The following RABGAP1L variants were observed in gnomAD, a reference collection of about 807,000 sequenced individuals.
RABGAP1L encodes the protein RAB GTPase activating protein 1 like, also known as rab GTPase-activating protein 1-like.
In RABGAP1L, 63 loss-of-function variants were observed where a neutral mutation model predicts 137.7. That is an observed-to-expected ratio of 0.46 (90% CI 0.37 to 0.56). RABGAP1L has a LOEUF of 0.56. RABGAP1L is among the 20% of genes least tolerant of loss of function. The pLI is 0.00. For missense variants in RABGAP1L, 1,095 were observed against 1,244.0 expected, an observed-to-expected ratio of 0.88 and a Z score of 1.80; for synonymous variants, 431 against 433.7, an observed-to-expected ratio of 0.99 and a Z score of 0.08.
At chr1:174,793,623 C>A (rs1688021714) in intron 18 of RABGAP1L, among the ~76,000 whole-genome samples, 1 of 152,122 alleles carries the variant, frequency 6.6e-6, no homozygotes, top group African/African-American at 2.4e-5. Context: ...CTTGAATAAT[C>A]CTTAAAGTTA....
intron 18 of RABGAP1L, among the ~76,000 whole-genome samples, chr1:174,758,954 C>T (rs1684992332): frequency 6.6e-6 from 1 of 152,144 alleles, no homozygotes; most frequent in Non-Finnish European, 1.5e-5. Context: ...GTCACCAAGT[C>T]CTGTGGATTC....
At chr1:174,708,116 A>G (rs1680184892) in intron 17 of RABGAP1L, among the ~76,000 whole-genome samples, 1 of 152,210 alleles carries the variant, frequency 6.6e-6, no homozygotes, top group Admixed American at 6.5e-5. Flanking sequence ...ATTAGAATGT[A>G]TCTTCTGCTT....
intron 17 of RABGAP1L, among the ~76,000 whole-genome samples, chr1:174,740,659 G>C (rs1683315236): frequency 6.6e-6 from 1 of 152,056 alleles, no homozygotes; most frequent in African/African-American, 2.4e-5. Flanking sequence ...TCTCCATACT[G>C]TTTTCCATAG....
intron 18 of RABGAP1L, among the ~76,000 whole-genome samples, chr1:174,780,812 C>G (rs1478691552): frequency 7.0e-6 from 1 of 143,668 alleles, no homozygotes; most frequent in Admixed American, 7.5e-5. Flanking sequence ...TGAGTGAGAA[C>G]ATGCGGTGTT....
chr1:174,772,591 A>G (rs1478085577), intron 18 of RABGAP1L, among the ~76,000 whole-genome samples: 2 of 135,974 alleles, frequency 1.5e-5, no homozygotes, highest in African/African-American at 5.1e-5. Flanking sequence ...AAAAAAAAAA[A>G]AGTACAGTTT....
intron 17 of RABGAP1L, among the ~76,000 whole-genome samples, chr1:174,751,923 C>T (rs773035979): frequency 3.3e-5 from 5 of 151,732 alleles, no homozygotes; most frequent in Admixed American, 6.6e-5. Context: ...CTGTCTGCCA[C>T]TTGCAGTTTA....
chr1:174,563,622 A>G (rs1466699818), intron 13 of RABGAP1L, among the ~76,000 whole-genome samples: 2 of 152,166 alleles, frequency 1.3e-5, no homozygotes, highest in African/African-American at 4.8e-5. Context: ...TCCAAAATCA[A>G]CTCAATTTTT....
intron 13 of RABGAP1L, among the ~76,000 whole-genome samples, chr1:174,489,599 A>G (rs964683288): frequency 6.6e-6 from 1 of 151,974 alleles, no homozygotes; most frequent in Non-Finnish European, 1.5e-5. Flanking sequence ...AACTAGTTCA[A>G]CCATTGTGGA....
chr1:174,201,692 G>C (rs1668116125), intron 1 of RABGAP1L, among the ~76,000 whole-genome samples: 1 of 148,844 alleles, frequency 6.7e-6, no homozygotes, highest in Non-Finnish European at 1.5e-5. Context: ...GGGTACATGT[G>C]CACAACGTGC....
intron 19 of RABGAP1L, among the ~76,000 whole-genome samples, chr1:174,861,922 T>C (rs969370657): frequency 5.3e-5 from 8 of 152,206 alleles, no homozygotes; most frequent in African/African-American, 1.7e-4. Flanking sequence ...TTTTGTTGAC[T>C]GTTTCCTTTG....
intron 10 of RABGAP1L, among the ~76,000 whole-genome samples, chr1:174,292,969 C>A (rs746507762): frequency 3.0e-4 from 46 of 152,176 alleles, no homozygotes; most frequent in Non-Finnish European, 5.9e-4. Context: ...TTATTACCTC[C>A]ATTCTCTGGA....
intron 17 of RABGAP1L, among the ~76,000 whole-genome samples, chr1:174,720,307 GGTTT>G (rs1329987235): frequency 1.1e-4 from 13 of 118,248 alleles, no homozygotes; most frequent in Admixed American, 2.6e-4. Flanking sequence ...ACAGATAGTT[GGTTT>G]TTTTTTTTTT....
At chr1:174,299,065 T>G (rs1224595111) in intron 10 of RABGAP1L, among the ~76,000 whole-genome samples, 1 of 152,238 alleles carries the variant, frequency 6.6e-6, no homozygotes. Flanking sequence ...AAACAAATCG[T>G]CATAGGACTG....
At chr1:174,518,704 T>G (rs1416248619) in intron 13 of RABGAP1L, among the ~76,000 whole-genome samples, 1 of 152,208 alleles carries the variant, frequency 6.6e-6, no homozygotes, top group Non-Finnish European at 1.5e-5. Flanking sequence ...GAATGAATGG[T>G]GCCTTCTGGA....
chr1:174,732,737 C>T (rs1158064961), intron 17 of RABGAP1L, among the ~76,000 whole-genome samples: 1 of 152,096 alleles, frequency 6.6e-6, no homozygotes, highest in Non-Finnish European at 1.5e-5. Context: ...AACACTAGAA[C>T]AGGAGGGATA....
At chr1:174,412,812 G>A (rs548223053) in intron 13 of RABGAP1L, among the ~76,000 whole-genome samples, 99 of 152,186 alleles carry the variant, frequency 6.5e-4, no homozygotes, top group Middle Eastern at 3.4e-3. Flanking sequence ...GGCTTGTAAT[G>A]TTTCTGATGA....
chr1:174,253,540 C>G (rs916311675), intron 7 of RABGAP1L, among the ~76,000 whole-genome samples: 1 of 151,980 alleles, frequency 6.6e-6, no homozygotes, highest in Non-Finnish European at 1.5e-5. Context: ...AATTCAATAC[C>G]TAGTACTTCT....
intron 18 of RABGAP1L, among the ~76,000 whole-genome samples, chr1:174,775,715 C>T (rs775044305): frequency 3.3e-5 from 5 of 152,128 alleles, no homozygotes; most frequent in Non-Finnish European, 7.4e-5. Flanking sequence ...GACACTCCCT[C>T]TCTCCCAAGG....
chr1:174,568,695 GTGTGTGTA>G (rs560553780), intron 13 of RABGAP1L, among the ~76,000 whole-genome samples: 49 of 152,142 alleles, frequency 3.2e-4, no homozygotes, highest in Non-Finnish European at 6.2e-4. Flanking sequence ...GACTGAGTGT[GTGTGTGTA>G]TTTGTGTGTT....
Sources: gnomAD v4.1 joint callset for allele counts (sites outside exome capture counted in the v4.1 genomes callset) on GRCh38, gnomAD v4.1.1 for gene constraint, MANE v1.5 for transcripts, NCBI Gene and HGNC (gene_info 2026-07-23, HGNC 2026-07-21) for gene names.